The following ATP11A variants were observed in gnomAD, a reference collection of about 807,000 sequenced individuals.
The protein encoded by ATP11A is phospholipid-transporting ATPase IH.
In ATP11A, 81 loss-of-function variants were observed where a neutral mutation model predicts 154.4. The observed-to-expected ratio is 0.52, with a 90% CI of 0.44 to 0.63. ATP11A has a LOEUF of 0.63. Among genes scored for constraint, ATP11A ranks in the 30% least tolerant of loss-of-function variants. The pLI is 0.00. For synonymous variants in ATP11A, 623 were observed against 585.9 expected (o/e 1.06, Z -0.91); for missense variants, 1,316 against 1,474.3 (o/e 0.89, Z 1.76).
intron 19 of ATP11A, among the ~76,000 whole-genome samples, chr13:112,855,078 A>T (rs1337170657): frequency 6.6e-6 from 1 of 152,274 alleles, no homozygotes; most frequent in Non-Finnish European, 1.5e-5. Flanking sequence ...TCATTCATGT[A>T]CATAAAGCGA....
chr13:112,698,295 G>A (rs796803818), intron 1 of ATP11A, among the ~76,000 whole-genome samples: 3 of 152,228 alleles, frequency 2.0e-5, no homozygotes, highest in African/African-American at 7.2e-5. Flanking sequence ...CTGCTGCGTC[G>A]AAGCCTGAGA....
intron 2 of ATP11A, among the ~76,000 whole-genome samples, chr13:112,797,683 C>A (rs993127103): frequency 6.6e-6 from 1 of 152,108 alleles, no homozygotes; most frequent in African/African-American, 2.4e-5. Context: ...TAAAATTATC[C>A]TTCATTCGTG....
intron 1 of ATP11A, among the ~76,000 whole-genome samples, chr13:112,777,726 G>A (rs952170007): frequency 2.6e-5 from 4 of 152,206 alleles, no homozygotes; most frequent in African/African-American, 9.6e-5. Flanking sequence ...AGGTGGGTGG[G>A]AAGGCTGCCG....
At chr13:112,719,510 C>G (rs932877081) in intron 1 of ATP11A, among the ~76,000 whole-genome samples, 1 of 152,190 alleles carries the variant, frequency 6.6e-6, no homozygotes, top group African/African-American at 2.4e-5. Flanking sequence ...AGTTATAGAT[C>G]TGATTGGATT....
intron 1 of ATP11A, among the ~76,000 whole-genome samples, chr13:112,723,781 G>A (rs1188282531): frequency 6.6e-6 from 1 of 152,104 alleles, no homozygotes; most frequent in African/African-American, 2.4e-5. Flanking sequence ...TAGTTTGCAA[G>A]TTGAATGTCT....
At chr13:112,853,517 C>T (rs780485380) in intron 18 of ATP11A, among the ~76,000 whole-genome samples, 1 of 152,164 alleles carries the variant, frequency 6.6e-6, no homozygotes, top group Admixed American at 6.5e-5. Context: ...AAAATGGAGG[C>T]CCCAAAGTGA....
Position 112,881,198 on chromosome 13 carries a change from A to T in ATP11A, c.*10-678A>T, listed in dbSNP as rs992895942. ...ACCTGGGGACGGCCCCTCATCAGAC[A>T]GATGCGTGCTGCCGGCCTCCTGCCG... On this transcript the variant is annotated intron_variant, in intron 29 of 29. Transcript: ENST00000375645. The T allele has an allele frequency of 4.0e-6, 4 of 989,542 alleles. No homozygotes were observed. The African/African-American group carries it at 7.0e-5, about 17-fold the overall frequency. 61.3% of individuals were successfully genotyped at this position (989,542 alleles called of 1,614,324 possible).
chr13:112,702,276 G>A (rs977898568), intron 1 of ATP11A, among the ~76,000 whole-genome samples: 1 of 150,198 alleles, frequency 6.7e-6, no homozygotes, highest in African/African-American at 2.4e-5. Context: ...AACCCAGGAG[G>A]CAGAGGTTGC....
intron 1 of ATP11A, among the ~76,000 whole-genome samples, chr13:112,727,988 G>A (rs1031074188): frequency 6.6e-6 from 1 of 152,236 alleles, no homozygotes; most frequent in East Asian, 1.9e-4. Flanking sequence ...TGTCTGGTGA[G>A]CAGGGGAAAA....
intron 12 of ATP11A, among the ~76,000 whole-genome samples, chr13:112,827,362 C>T (rs1207681647): frequency 4.6e-5 from 7 of 152,284 alleles, no homozygotes; most frequent in Admixed American, 3.3e-4. Flanking sequence ...TTCACCGCCA[C>T]ACCTCGAGTG....
chr13:112,794,643 G>C (rs1268757219), intron 2 of ATP11A, among the ~76,000 whole-genome samples: 1 of 152,172 alleles, frequency 6.6e-6, no homozygotes. Context: ...GCCGAAGCGG[G>C]CGGATCACGA....
intron 1 of ATP11A, among the ~76,000 whole-genome samples, chr13:112,715,545 C>G (rs555482924): frequency 1.5e-5 from 1 of 66,974 alleles, no homozygotes; most frequent in Non-Finnish European, 3.9e-5. Flanking sequence ...GCTGAGGCCC[C>G]CCCCCACCTG....
chr13:112,837,677 C>T (rs59115010), intron 16 of ATP11A, among the ~76,000 whole-genome samples: 2,208 of 87,694 alleles, frequency 0.025, 58 homozygotes, highest in African/African-American at 0.15. Flanking sequence ...AGCCACTCCC[C>T]GGAACCAGAC....
Position 112,784,383 on chromosome 13 carries a change from G to A in ATP11A, c.40-752G>A, listed in dbSNP as rs147524044. Among the ~76,000 whole-genome samples, 841 of 152,218 alleles carry A rather than the reference G, an allele frequency of 5.5e-3. 6 individuals are homozygous for A. Among genetic ancestry groups the A allele is most frequent in the African/African-American group, 0.018 (755 of 41,528 alleles). On this transcript the variant is annotated intron_variant, in intron 1 of 29. Transcript: ENST00000375645. ...TTTTCACCAGTCCTCAATCTGGTCC[G>A]GTGTCCAAGCCCCACCTCTGGAGTC...
At chr13:112,822,462 GT>G (rs1423328080) in intron 8 of ATP11A, among the ~76,000 whole-genome samples, 2 of 152,030 alleles carry the variant, frequency 1.3e-5, no homozygotes, top group Non-Finnish European at 2.9e-5. Flanking sequence ...AGATTTACAT[GT>G]CCCCCCCATT....
chr13:112,860,595 ATTC>A, intron 24 of ATP11A, 181 bp downstream of exon 24: 1 of 655,612 alleles, frequency 1.5e-6, no homozygotes, highest in Admixed American at 3.0e-5. Context: ...TCAAATGGAG[ATTC>A]TTCAAGTCTT....
At chr13:112,865,320 C>T (rs145257512) in intron 25 of ATP11A, among the ~76,000 whole-genome samples, 2 of 75,004 alleles carry the variant, frequency 2.7e-5, no homozygotes, top group African/African-American at 8.4e-5. Context: ...TCAGTGCAGC[C>T]CGTGCAGCTT....
At chr13:112,798,716 T>C (rs401709) in intron 2 of ATP11A, among the ~76,000 whole-genome samples, 28,929 of 152,054 alleles carry the variant, frequency 0.19, 5,816 homozygotes, top group African/African-American at 0.51. Flanking sequence ...ATCAAATGCT[T>C]AATTAAAACC....
rs577809939 is a variant in ATP11A, at chr13:112,736,883, C to T, written c.39+46428C>T. ...AGGACGGGAGAGAGGATTGGCAGAG[C>T]GCAGGTCTGGTCAGGGATTTGTATC... On this transcript the variant is annotated intron_variant, in intron 1 of 29. Transcript: ENST00000375645. 1.7e-4 allele frequency among the ~76,000 whole-genome samples: 26 copies of T among 152,190 alleles called. No homozygotes were observed. In the East Asian group the frequency reaches 1.9e-3, roughly 11 times the overall value.
Sources: allele counts gnomAD v4.1 joint callset (sites outside exome capture counted in the v4.1 genomes callset), GRCh38; gene constraint gnomAD v4.1.1; transcripts MANE v1.5; gene names NCBI Gene and HGNC (gene_info 2026-07-23, HGNC 2026-07-21).